Variants in PLAT observed in about 807,000 individuals in gnomAD.
The protein encoded by PLAT is plasminogen activator, tissue type.
PLAT carries 48 observed loss-of-function variants against 74.9 expected under a neutral mutation model. The observed-to-expected ratio is 0.64, with a 90% CI of 0.51 to 0.82. The LOEUF (loss-of-function observed/expected upper bound fraction) is 0.82, where lower values mean the gene tolerates loss of function less well. Among genes scored for constraint, PLAT ranks in the 40% least tolerant of loss-of-function variants. The pLI is 0.00. For missense variants in PLAT, 673 were observed against 736.2 expected (o/e 0.91, Z 0.99); for synonymous variants, 307 against 294.4 (o/e 1.04, Z -0.44).
intron 12 of PLAT, among the ~76,000 whole-genome samples, 165 bp from the exon 13 acceptor site, chr8:42,179,228 A>G (rs1303225412): frequency 6.6e-6 from 1 of 152,238 alleles, no homozygotes; most frequent in Non-Finnish European, 1.5e-5. Flanking sequence ...ACCCACAAAA[A>G]CAGCAGGATT....
rs944715247 is a variant in PLAT at position 42,187,498 on chromosome 8, C to T, written c.439G>A (p.Glu147Lys). 8 of 1,611,142 alleles carry T rather than the reference C, an allele frequency of 5.0e-6. No homozygotes were observed. The highest frequency in any genetic ancestry group is 2.2e-5 in the East Asian group (1 of 44,906). The change falls in exon 6 of 14, where the codon GAG becomes AAG. Residue 147 changes from glutamate (E) to lysine (K), a missense_variant. Physicochemically the swap from Glu to Lys is moderately conservative, Grantham distance 56 (BLOSUM62 1). Transcript: ENST00000220809. Reference protein sequence around the residue: ...GTWSTAESGAECTNWNSSALA... With the variant: ...GTWSTAESGAKCTNWNSSALA... ...GCGCTGCTGTTCCAGTTGGTGCACT[C>T]GGCGCCACTCTCCGCTGTGCTCCAC... is the stretch of plus-strand genomic sequence containing the variant.
rs1337455805 is a variant in PLAT, at chr8:42,174,956, T to G, written c.*1037A>C. Among the ~76,000 whole-genome samples the G allele has an allele frequency of 6.6e-6, 1 of 152,162 alleles. No homozygotes were observed. The highest frequency in any genetic ancestry group is 1.5e-5 in the Non-Finnish European group (1 of 68,034). On this transcript the variant is annotated 3_prime_UTR_variant, in exon 14 of 14. Transcript: ENST00000220809. The stretch of plus-strand genomic sequence containing the variant: ...TTAAGATTCTATTTTTTCCTTAAGA[T>G]TCCCCAATCCCTCTTGCAACTGAAT...
At chr8:42,202,050 C>T (rs765335350) in intron 1 of PLAT, among the ~76,000 whole-genome samples, 21 of 152,152 alleles carry the variant, frequency 1.4e-4, no homozygotes, top group South Asian at 6.2e-4. Context: ...GACAGGGTCT[C>T]GCCCAGTCAC....
At position 42,185,119 on chromosome 8, in the gene PLAT, T is replaced by C; in HGVS notation, c.593A>G (p.Tyr198Cys). 1 of 1,612,424 alleles carries C rather than the reference T, an allele frequency of 6.2e-7. No homozygotes were observed. Among genetic ancestry groups the C allele is most frequent in the Non-Finnish European group, 8.5e-7 (1 of 1,179,338 alleles). The change falls in exon 7 of 14, where the codon TAC (tyrosine) becomes TGC (cysteine). Residue 198 changes from tyrosine (Y) to cysteine (C), a missense_variant. Tyr to Cys is a radical substitution (Grantham distance 194, BLOSUM62 -2). Coordinates refer to ENST00000220809, the MANE Select transcript of PLAT (RefSeq NM_000930.5). ...AGGGGTGCTGCAGAACTCTGAGCTG[T>C]ACTTCCCCGCCTTAAAGACGTAGCA... is the stretch of plus-strand genomic sequence containing the variant. ...PWCYVFKAGK[Y>C]SSEFCSTPAC...
At chr8:42,184,116 T>G (rs1805357463) in intron 7 of PLAT, among the ~76,000 whole-genome samples, 1 of 152,100 alleles carries the variant, frequency 6.6e-6, no homozygotes, top group East Asian at 1.9e-4. Context: ...AATTTTTGTA[T>G]TTTTTGTAGA....
chr8:42,185,588 T>C (rs1805422892), intron 6 of PLAT: 1 of 156,308 alleles, frequency 6.4e-6, no homozygotes, highest in Non-Finnish European at 1.4e-5. Flanking sequence ...GGTTGTACAC[T>C]GGTAGTTCTA....
intron 1 of PLAT, among the ~76,000 whole-genome samples, chr8:42,202,316 G>A (rs1230759743): frequency 1.3e-5 from 2 of 152,120 alleles, no homozygotes; most frequent in East Asian, 1.9e-4. Flanking sequence ...ATTACAGGCA[G>A]GAGCTGTGTG....
chr8:42,187,785 G>A (rs1333634283), intron 5 of PLAT, 121 bp downstream of exon 5: 53 of 786,616 alleles, frequency 6.7e-5, no homozygotes, highest in Non-Finnish European at 7.2e-5. Flanking sequence ...TGGCAGAAGC[G>A]CCTTCCCTGT....
intron 1 of PLAT, among the ~76,000 whole-genome samples, chr8:42,198,295 G>A (rs947077038): frequency 1.3e-5 from 2 of 152,236 alleles, no homozygotes; most frequent in African/African-American, 4.8e-5. Flanking sequence ...TTCAAAACAA[G>A]CCTGGCCAAC....
At chr8:42,178,269 T>C (rs77660619) in intron 13 of PLAT, among the ~76,000 whole-genome samples, 1,915 of 121,630 alleles carry the variant, frequency 0.016, 7 homozygotes, top group South Asian at 0.027. Flanking sequence ...TCTTTCTTTT[T>C]TTTTTTTTTT....
chr8:42,179,860 C>T, intron 12 of PLAT, 66 bp downstream of exon 12: 1 of 1,454,526 alleles, frequency 6.9e-7, no homozygotes, highest in South Asian at 1.4e-5. Flanking sequence ...CCATTTTCCT[C>T]TGGTGGACCG....
At chr8:42,197,406 T>C (rs776609629) in intron 1 of PLAT, among the ~76,000 whole-genome samples, 3 of 152,200 alleles carry the variant, frequency 2.0e-5, no homozygotes, top group Admixed American at 1.3e-4. Flanking sequence ...TGACTGTTCT[T>C]GGGGAAAACG....
chr8:42,191,685 G>A (rs561097076), intron 2 of PLAT, among the ~76,000 whole-genome samples: 1 of 152,130 alleles, frequency 6.6e-6, no homozygotes, highest in African/African-American at 2.4e-5. Flanking sequence ...CAGGGCCACC[G>A]AGTGCTTTGA....
chr8:42,192,025 A>T (rs1805708074), intron 2 of PLAT, among the ~76,000 whole-genome samples: 1 of 130,538 alleles, frequency 7.7e-6, no homozygotes, highest in Admixed American at 8.1e-5. Context: ...TTTTTTTGAG[A>T]CAGGATCTCA....
At position 42,180,635 on chromosome 8, in the gene PLAT, C is replaced by T; in HGVS notation, c.940G>A (p.Gly314Arg). ...TGGGAGGCGATGTCGGCGAAGAGCCCTCCTTTGATGCGAAACTGAGGCTGG... is the reference window on the plus strand; with the variant it reads ...TGGGAGGCGATGTCGGCGAAGAGCCTTCCTTTGATGCGAAACTGAGGCTGG... Reference protein sequence around the residue: ...YSQPQFRIKGGLFADIASHPW... With the variant: ...YSQPQFRIKGRLFADIASHPW... Residue 314 changes from glycine (G) to arginine (R), a missense_variant, in exon 10 of 14, where the codon GGG (glycine) becomes AGG (arginine). Physicochemically the swap from Gly to Arg is moderately radical, Grantham distance 125. Transcript: ENST00000220809. 5.0e-6 allele frequency: 8 copies of T among 1,608,974 alleles called. No individual in the cohort carries two copies. Among genetic ancestry groups the T allele is most frequent in the Non-Finnish European group, 6.8e-6 (8 of 1,176,982 alleles).
At chr8:42,181,795 A>T in intron 9 of PLAT, 142 bp downstream of exon 9, 1 of 376,630 alleles carries the variant, frequency 2.7e-6, no homozygotes, top group Non-Finnish European at 4.8e-6. Flanking sequence ...GGCTTCAGTC[A>T]TGGAAGCCCC....
intron 1 of PLAT, among the ~76,000 whole-genome samples, chr8:42,206,121 G>C (rs1326605675): frequency 1.3e-5 from 2 of 152,248 alleles, no homozygotes; most frequent in Admixed American, 1.3e-4. Flanking sequence ...GAGTCATTGT[G>C]AAATAAACCA....
intron 11 of PLAT, 47 bp from the exon 12 acceptor site, chr8:42,180,113 CGGGAGGGGAG>C: frequency 2.5e-6 from 4 of 1,588,036 alleles, no homozygotes; most frequent in Admixed American, 3.4e-5. Context: ...GCCGCGTCCC[CGGGAGGGGAG>C]GAACACGCAG....
At chr8:42,194,243 T>A (rs10101899) in intron 1 of PLAT, among the ~76,000 whole-genome samples, 5,685 of 23,942 alleles carry the variant, frequency 0.24, 185 homozygotes, top group African/African-American at 0.32. Context: ...AGAGAGAGAG[T>A]GTGTGTGTGT....
Sources: gnomAD v4.1 joint callset for allele counts (sites outside exome capture counted in the v4.1 genomes callset) on GRCh38, gnomAD v4.1.1 for gene constraint, MANE v1.5 for transcripts, NCBI Gene and HGNC (gene_info 2026-07-23, HGNC 2026-07-21) for gene names.